The following SKAP1 variants were observed in gnomAD, a reference collection of about 807,000 sequenced individuals.
SKAP1 encodes src kinase associated phosphoprotein 1, also known as src kinase-associated phosphoprotein 1.
SKAP1 carries 44 observed loss-of-function variants against 58.5 expected under a neutral mutation model. The observed-to-expected ratio is 0.75, with a 90% CI of 0.59 to 0.97. The LOEUF (loss-of-function observed/expected upper bound fraction) is 0.97. SKAP1 is among the 50% of genes least tolerant of loss of function. The pLI is 0.00. For synonymous variants in SKAP1, 127 were observed against 149.7 expected (o/e 0.85, Z 1.11); for missense variants, 390 against 435.2 (o/e 0.90, Z 0.92).
At chr17:48,219,809 T>A (rs549858306) in intron 4 of SKAP1, among the ~76,000 whole-genome samples, 80 of 152,318 alleles carry the variant, frequency 5.3e-4, no homozygotes, top group Admixed American at 1.0e-3. Flanking sequence ...CAGTCTGCTC[T>A]GGCTAGAAGC....
chr17:48,184,676 G>C (rs1039146671), intron 7 of SKAP1, 47 bp downstream of exon 7: 3 of 1,612,988 alleles, frequency 1.9e-6, no homozygotes, highest in East Asian at 2.2e-5. Flanking sequence ...AATACAGAAG[G>C]AAACTGCAAC....
intron 4 of SKAP1, among the ~76,000 whole-genome samples, chr17:48,244,769 C>T (rs140463706): frequency 1.3e-3 from 202 of 152,220 alleles, no homozygotes; most frequent in African/African-American, 4.6e-3. Flanking sequence ...AAAGAAGATG[C>T]GTTCACAGGG....
rs762127748 is a variant in SKAP1 at position 48,180,119 on chromosome 17, C to T, written c.761G>A (p.Gly254Glu). Reference protein sequence around the residue: ...GSQCRPTILPGSVGIKEPTEE... With the variant: ...GSQCRPTILPESVGIKEPTEE... The stretch of plus-strand genomic sequence containing the variant: ...TGTAGGCTCTTTTATCCCCACACTC[C>T]CAGGCAAGATAGTGGGTCTGCACTG... The change falls in exon 9 of 13, where the codon GGG (glycine) becomes GAG (glutamate). Residue 254 changes from glycine to glutamate, a missense_variant. Gly to Glu is a moderately conservative substitution (Grantham distance 98, BLOSUM62 -2). Coordinates refer to ENST00000336915, the MANE Select transcript of SKAP1 (RefSeq NM_003726.4). 5 of 1,613,660 alleles carry T rather than the reference C, an allele frequency of 3.1e-6. No homozygotes were observed. Among genetic ancestry groups the T allele is most frequent in the Admixed American group, 3.3e-5 (2 of 59,972 alleles).
At chr17:48,186,808 T>C (rs767416227) in intron 6 of SKAP1, among the ~76,000 whole-genome samples, 10 of 152,150 alleles carry the variant, frequency 6.6e-5, no homozygotes, top group Non-Finnish European at 1.3e-4. Context: ...GTGCCACAGG[T>C]GCAGGAAGTA....
chr17:48,143,647 T>C (rs1314876030), intron 11 of SKAP1, among the ~76,000 whole-genome samples: 1 of 152,182 alleles, frequency 6.6e-6, no homozygotes, highest in African/African-American at 2.4e-5. Context: ...ACCTCTCACA[T>C]TGTAACTCGT....
intron 4 of SKAP1, among the ~76,000 whole-genome samples, chr17:48,262,861 T>C (rs1310626353): frequency 6.6e-6 from 1 of 152,166 alleles, no homozygotes. Flanking sequence ...ACAAAAGAAG[T>C]AGAAGAGATG....
chr17:48,316,755 C>T (rs2066293798), intron 4 of SKAP1, among the ~76,000 whole-genome samples: 1 of 152,136 alleles, frequency 6.6e-6, no homozygotes, highest in Non-Finnish European at 1.5e-5. Context: ...ATATGAACCT[C>T]AAAAGAATGT....
intron 4 of SKAP1, among the ~76,000 whole-genome samples, chr17:48,212,079 G>C (rs2064879238): frequency 6.6e-6 from 1 of 151,426 alleles, no homozygotes. Flanking sequence ...AGCTACACCA[G>C]TAATACTGCA....
intron 1 of SKAP1, among the ~76,000 whole-genome samples, chr17:48,400,168 A>G (rs9797269): frequency 0.62 from 92,189 of 148,976 alleles, 29,151 homozygotes; most frequent in African/African-American, 0.76. Flanking sequence ...GCGCGATCTC[A>G]GCTCACTGCA....
At chr17:48,304,485 GAC>G (rs777229330) in intron 4 of SKAP1, among the ~76,000 whole-genome samples, 64 of 152,278 alleles carry the variant, frequency 4.2e-4, no homozygotes, top group Non-Finnish European at 7.6e-4. Context: ...TTGTGTAGAA[GAC>G]AGAGACAAGC....
At chr17:48,205,909 T>G (rs2064804035) in intron 4 of SKAP1, among the ~76,000 whole-genome samples, 1 of 152,028 alleles carries the variant, frequency 6.6e-6, no homozygotes, top group Non-Finnish European at 1.5e-5. Flanking sequence ...CACCACAATA[T>G]GTGCTCCATC....
intron 1 of SKAP1, among the ~76,000 whole-genome samples, chr17:48,420,050 T>A (rs1346987899): frequency 6.6e-6 from 1 of 152,098 alleles, no homozygotes; most frequent in Non-Finnish European, 1.5e-5. Context: ...TCTGTTATAA[T>A]CACCTAACCT....
In SKAP1 at chr17:48,137,234, T is replaced by A. The variant is rs748826699; in HGVS notation, c.*2A>T. On this transcript the variant is annotated 3_prime_UTR_variant, in exon 12 of 13. Transcript: ENST00000336915. ...ATTGGCCATGGTTCTGATACCTGGG[T>A]TTCATCTTTCTTCCACTTCAAAGGC... is the stretch of plus-strand genomic sequence containing the variant. The A allele has an allele frequency of 7.5e-6, 12 of 1,608,608 alleles. No individual in the cohort carries two copies. The African/African-American group carries it at 1.5e-4, about 20-fold the overall frequency.
chr17:48,342,862 A>G (rs1231926409), intron 4 of SKAP1, among the ~76,000 whole-genome samples: 1 of 152,004 alleles, frequency 6.6e-6, no homozygotes, highest in Non-Finnish European at 1.5e-5. Flanking sequence ...GCCGGCGCCT[A>G]TAGTCCCAGC....
At chr17:48,211,312 T>C (rs140106490) in intron 4 of SKAP1, among the ~76,000 whole-genome samples, 2 of 151,870 alleles carry the variant, frequency 1.3e-5, no homozygotes, top group African/African-American at 4.8e-5. Flanking sequence ...AAGTTATGAG[T>C]TGTCTGCAAA....
At chr17:48,224,543 C>T (rs1242878872) in intron 4 of SKAP1, among the ~76,000 whole-genome samples, 2 of 152,114 alleles carry the variant, frequency 1.3e-5, no homozygotes, top group Non-Finnish European at 2.9e-5. Context: ...TGAACTATTC[C>T]ATTTTTCAAA....
chr17:48,389,306 AT>A (rs879914531), intron 2 of SKAP1, among the ~76,000 whole-genome samples: 33 of 149,448 alleles, frequency 2.2e-4, no homozygotes, highest in East Asian at 7.8e-4. Context: ...CCCCTACACT[AT>A]TTTTTTTTTC....
At chr17:48,236,485 T>C (rs1343624874) in intron 4 of SKAP1, among the ~76,000 whole-genome samples, 2 of 152,174 alleles carry the variant, frequency 1.3e-5, no homozygotes, top group Middle Eastern at 3.2e-3. Flanking sequence ...TGAAAAGTAA[T>C]CAATCCCCAA....
At chr17:48,190,168 G>A (rs1031739045) in intron 4 of SKAP1, among the ~76,000 whole-genome samples, 1 of 149,046 alleles carries the variant, frequency 6.7e-6, no homozygotes, top group East Asian at 2.0e-4. Context: ...GTGCAGTGGC[G>A]CGATCTTGGC....
Sources: gnomAD v4.1 joint callset for allele counts (sites outside exome capture counted in the v4.1 genomes callset) on GRCh38, gnomAD v4.1.1 for gene constraint, MANE v1.5 for transcripts, NCBI Gene and HGNC (gene_info 2026-07-23, HGNC 2026-07-21) for gene names.